Variants in CSMD2 observed in about 807,000 individuals in gnomAD.
CSMD2 encodes CUB and sushi domain-containing protein 2.
CSMD2 carries 130 observed loss-of-function variants against 398.5 expected under a neutral mutation model. That is an observed-to-expected ratio of 0.33 (90% CI 0.28 to 0.38). The LOEUF (loss-of-function observed/expected upper bound fraction) is 0.38. Ranked by LOEUF, CSMD2 falls within the 10% of genes least tolerant of loss-of-function variation. The pLI is 1.00. For missense variants in CSMD2, 3,829 were observed against 4,764.9 expected (o/e 0.80, Z 5.78); for synonymous variants, 1,828 against 1,908.5 (o/e 0.96, Z 1.10).
intron 3 of CSMD2, among the ~76,000 whole-genome samples, chr1:33,961,598 T>C (rs150566211): frequency 8.5e-5 from 13 of 152,292 alleles, no homozygotes; most frequent in South Asian, 2.1e-4. Context: ...AGTGAGATGG[T>C]TTGAATGCGA....
intron 24 of CSMD2, among the ~76,000 whole-genome samples, chr1:33,698,242 T>C (rs1176879527): frequency 2.6e-5 from 4 of 152,248 alleles, no homozygotes; most frequent in Non-Finnish European, 5.9e-5. Flanking sequence ...AAGTTCATTA[T>C]TGCATTCTTT....
At chr1:33,615,667 T>C (rs527508422) in intron 39 of CSMD2, among the ~76,000 whole-genome samples, 2 of 152,350 alleles carry the variant, frequency 1.3e-5, no homozygotes, top group Admixed American at 1.3e-4. Context: ...CTGGCACATG[T>C]TGTAAACCCC....
At chr1:33,610,907 C>T in intron 41 of CSMD2, 134 bp downstream of exon 41, 1 of 779,262 alleles carries the variant, frequency 1.3e-6, no homozygotes, top group Non-Finnish European at 2.1e-6. Context: ...GGAAGCTTCC[C>T]TGACTGGGCC....
intron 2 of CSMD2, among the ~76,000 whole-genome samples, chr1:34,073,060 A>G (rs1655915078): frequency 6.6e-6 from 1 of 151,986 alleles, no homozygotes; most frequent in Non-Finnish European, 1.5e-5. Context: ...GACTGCAGTA[A>G]CCCCACAAAA....
In CSMD2 at chr1:33,724,498, C is replaced by T; in HGVS notation, c.2884+18G>A. 1 of 1,610,182 alleles carries T rather than the reference C, an allele frequency of 6.2e-7. No individual in the cohort carries two copies. Among genetic ancestry groups the T allele is most frequent in the African/African-American group, 1.3e-5 (1 of 74,996 alleles). ...AGAGGAGTCTGCTACTTTAGCGCCC[C>T]CTCATGGTGTCCCTCACCTTCACAA... On this transcript the variant is annotated intron_variant, in intron 18 of 70. Transcript: ENST00000373381.
At chr1:34,011,893 T>C (rs941839608) in intron 3 of CSMD2, among the ~76,000 whole-genome samples, 4 of 152,124 alleles carry the variant, frequency 2.6e-5, no homozygotes, top group Non-Finnish European at 4.4e-5. Context: ...TCCCAGCCTC[T>C]GGTAACCCAT....
At chr1:33,534,233 C>T (rs1264938937) in intron 62 of CSMD2, among the ~76,000 whole-genome samples, 1 of 152,176 alleles carries the variant, frequency 6.6e-6, no homozygotes, top group African/African-American at 2.4e-5. Context: ...ACTCTGTAAA[C>T]CTTAGTCTTC....
intron 3 of CSMD2, among the ~76,000 whole-genome samples, chr1:33,940,393 C>T (rs1015003288): frequency 2.6e-5 from 4 of 152,104 alleles, no homozygotes; most frequent in African/African-American, 7.2e-5. Context: ...TTCAACTCAT[C>T]ACAGGGCTGT....
chr1:33,798,710 T>G (rs996485937), intron 10 of CSMD2, among the ~76,000 whole-genome samples: 2 of 152,158 alleles, frequency 1.3e-5, no homozygotes, highest in East Asian at 1.9e-4. Flanking sequence ...CAGTGGAGGC[T>G]GATGCAGGGT....
At chr1:33,860,989 CT>C (rs2125112739) in intron 5 of CSMD2, 1 of 152,276 alleles carries the variant, frequency 6.6e-6, no homozygotes, top group African/African-American at 2.4e-5. Flanking sequence ...AATTTTTTAT[CT>C]CTATATCTTC....
intron 19 of CSMD2, among the ~76,000 whole-genome samples, chr1:33,718,768 G>A (rs752495197): frequency 6.6e-6 from 1 of 152,212 alleles, no homozygotes; most frequent in Non-Finnish European, 1.5e-5. Context: ...ATAAATGATG[G>A]TTGGAGATAA....
intron 1 of CSMD2, among the ~76,000 whole-genome samples, chr1:34,144,994 C>T (rs116721337): frequency 2.0e-4 from 30 of 152,302 alleles, no homozygotes; most frequent in African/African-American, 3.8e-4. Flanking sequence ...TCGGTGAGAC[C>T]GAGCTGTGGC....
chr1:33,607,823 T>C (rs1378801844), intron 41 of CSMD2, among the ~76,000 whole-genome samples: 1 of 152,246 alleles, frequency 6.6e-6, no homozygotes, highest in East Asian at 1.9e-4. Flanking sequence ...CACATGCTTG[T>C]GGGAGGAGGG....
intron 3 of CSMD2, 91 bp downstream of exon 3, chr1:34,032,503 A>G (rs530316126): frequency 7.0e-5 from 56 of 799,834 alleles, no homozygotes; most frequent in Non-Finnish European, 9.9e-5. Flanking sequence ...TCTGAAGAAC[A>G]CTTCCCTGCA....
intron 3 of CSMD2, among the ~76,000 whole-genome samples, chr1:33,994,471 A>C (rs938096624): frequency 2.0e-5 from 3 of 152,004 alleles, no homozygotes; most frequent in African/African-American, 7.2e-5. Flanking sequence ...TGTCTTTTAC[A>C]TATGTTTAGG....
rs1315541093 is a variant in CSMD2, at chr1:33,580,840, T to C, written c.7300A>G (p.Ile2434Val). 6.2e-7 allele frequency: 1 copy of C among 1,614,054 alleles called. No individual in the cohort carries two copies. Among genetic ancestry groups the C allele is most frequent in the Admixed American group, 1.7e-5 (1 of 60,014 alleles). Residue 2434 changes from isoleucine to valine, a missense_variant, in exon 48 of 71, where the codon ATT (isoleucine) becomes GTT (valine). Ile to Val is a conservative substitution (Grantham distance 29). Coordinates refer to ENST00000373381, the MANE Select transcript of CSMD2 (RefSeq NM_001281956.2). ...ACAGAGTTGCTTGAGCTGGTGACAA[T>C]CAGGGGAGCTGAGTAATTCCCACTG... ...ALSGNYSAPL[I>V]VTSSSNSVYL...
intron 19 of CSMD2, among the ~76,000 whole-genome samples, chr1:33,718,023 G>C (rs1009045318): frequency 6.6e-6 from 1 of 152,150 alleles, no homozygotes; most frequent in African/African-American, 2.4e-5. Context: ...ATTTAATTCT[G>C]CCAGGAACCC....
At chr1:34,123,628 C>T (rs535130620) in intron 1 of CSMD2, among the ~76,000 whole-genome samples, 1 of 151,916 alleles carries the variant, frequency 6.6e-6, no homozygotes, top group Non-Finnish European at 1.5e-5. Context: ...GGGAACTGAG[C>T]CCCCAACCCA....
At position 33,724,586 on chromosome 1, in the gene CSMD2, T is replaced by A; in HGVS notation, c.2814A>T (p.Thr938=). 1 of 1,614,212 alleles carries A rather than the reference T, an allele frequency of 6.2e-7. No homozygotes were observed. Among genetic ancestry groups the A allele is most frequent in the East Asian group, 2.2e-5 (1 of 44,868 alleles). The change falls in exon 18 of 71, where the codon ACA becomes ACT. Residue 938 remains threonine (T), a synonymous_variant. Coordinates refer to ENST00000373381, the MANE Select transcript of CSMD2 (RefSeq NM_001281956.2). The part of the protein sequence containing the change: ...LVTFSCDSGY[T]LSDGEPLECE... ...ACTCCAGAGGCTCCCCGTCACTTAA[T>A]GTGTAGCCCGAGTCACAGCTGAAGG...
Sources: gnomAD v4.1 joint callset for allele counts (sites outside exome capture counted in the v4.1 genomes callset) on GRCh38, gnomAD v4.1.1 for gene constraint, MANE v1.5 for transcripts, NCBI Gene and HGNC (gene_info 2026-07-23, HGNC 2026-07-21) for gene names.